Variants in CCDC171 observed in about 807,000 individuals in gnomAD.
The protein encoded by CCDC171 is coiled-coil domain-containing protein 171.
Under a neutral mutation model 168.2 loss-of-function variants are expected in CCDC171, and 177 were observed. The ratio of observed to expected loss-of-function variants is 1.05; its 90% CI spans 0.93 to 1.19. CCDC171 has a LOEUF of 1.19. Among genes scored for constraint, CCDC171 ranks in the 50% most tolerant of loss-of-function variants. The pLI is 0.00. For synonymous variants in CCDC171, 687 were observed against 540.8 expected (o/e 1.27, Z -3.75); for missense variants, 1,991 against 1,539.0 (o/e 1.29, Z -4.91).
At chr9:16,054,378 T>G (rs1162486282) in intron 1 of CCDC171, among the ~76,000 whole-genome samples, 1 of 151,742 alleles carries the variant, frequency 6.6e-6, no homozygotes, top group Admixed American at 6.6e-5. Context: ...CTGCATGGAG[T>G]AGTCAGTGGG....
chr9:15,945,634 T>TGG (rs1334647152), intron 25 of CCDC171, among the ~76,000 whole-genome samples: 2 of 144,050 alleles, frequency 1.4e-5, no homozygotes, highest in Non-Finnish European at 3.0e-5. Context: ...TGGCCAGTGA[T>TGG]GGTGAGCATT....
At chr9:15,778,080 G>A (rs1265993835) in intron 19 of CCDC171, among the ~76,000 whole-genome samples, 1 of 147,226 alleles carries the variant, frequency 6.8e-6, no homozygotes, top group African/African-American at 2.5e-5. Flanking sequence ...GGTGGATCAT[G>A]AGGTCAGGAG....
At chr9:15,705,957 C>T (rs7024640) in intron 11 of CCDC171, among the ~76,000 whole-genome samples, 74,792 of 152,000 alleles carry the variant, frequency 0.49, 18,839 homozygotes, top group East Asian at 0.78. Flanking sequence ...TTCTAAATTA[C>T]AGCAGCTCTT....
At chr9:15,979,235 A>C (rs1023621744) in intron 3 of CCDC171, among the ~76,000 whole-genome samples, 2 of 152,206 alleles carry the variant, frequency 1.3e-5, no homozygotes, top group Admixed American at 1.3e-4. Context: ...GTCATCTGCA[A>C]ATAGACACAG....
chr9:15,602,103 C>T (rs2055772), intron 6 of CCDC171, among the ~76,000 whole-genome samples: 71,142 of 152,052 alleles, frequency 0.47, 17,093 homozygotes, highest in East Asian at 0.75. Context: ...GTAAATTTTA[C>T]TGTAATTTGT....
intron 3 of CCDC171, among the ~76,000 whole-genome samples, chr9:16,011,820 G>T (rs986292049): frequency 2.6e-5 from 4 of 152,164 alleles, no homozygotes; most frequent in Non-Finnish European, 4.4e-5. Context: ...GGAGAAGTTT[G>T]AATAAAACTT....
rs1563976323 is a variant in CCDC171 at position 15,579,038 on chromosome 9, AT to A, written c.352+18del. ...AAAACTCTGTGGTAAGACTGTTTCT[AT>A]TTCTTCCCAAGTTTAGGGTTGTAAC... On this transcript the variant is annotated intron_variant, in intron 4 of 25. Transcript: ENST00000380701. The A allele has an allele frequency of 6.2e-7, 1 of 1,607,698 alleles. No individual in the cohort carries two copies. The highest frequency in any genetic ancestry group is 8.5e-7 in the Non-Finnish European group (1 of 1,175,668).
At chr9:16,097,734 T>C in the CCDC171 span, among the ~76,000 whole-genome samples, 1 of 152,218 alleles carries the variant, frequency 6.6e-6, no homozygotes, top group Admixed American at 6.5e-5. Flanking sequence ...GGGTTTAAGG[T>C]GCACCATTTA....
chr9:15,663,728 C>T (rs1372951766), intron 8 of CCDC171, among the ~76,000 whole-genome samples: 3 of 151,614 alleles, frequency 2.0e-5, no homozygotes, highest in Non-Finnish European at 4.4e-5. Context: ...GCCTCAGCCT[C>T]CTGAGTAGCT....
chr9:15,784,135 G>C (rs552477224), intron 20 of CCDC171, among the ~76,000 whole-genome samples: 1 of 152,222 alleles, frequency 6.6e-6, no homozygotes, highest in South Asian at 2.1e-4. Flanking sequence ...AACATACGCT[G>C]AACACAAACT....
At chr9:16,057,499 A>G (rs141436566) in intron 1 of CCDC171, among the ~76,000 whole-genome samples, 14 of 152,238 alleles carry the variant, frequency 9.2e-5, no homozygotes, top group African/African-American at 2.9e-4. Context: ...TTTGGCTTCT[A>G]GAGCTATTGT....
intron 21 of CCDC171, among the ~76,000 whole-genome samples, chr9:15,804,299 G>A (rs9886731): frequency 0.38 from 57,855 of 151,934 alleles, 13,035 homozygotes; most frequent in East Asian, 0.65. Context: ...AGGCAACCTT[G>A]TCTTCTGTTG....
intron 21 of CCDC171, among the ~76,000 whole-genome samples, chr9:15,789,866 C>G (rs987037752): frequency 8.0e-5 from 12 of 150,748 alleles, no homozygotes; most frequent in African/African-American, 2.4e-4. Context: ...GTTTTTTGTC[C>G]CTGCAATAGT....
At chr9:15,771,241 A>G (rs1049309748) in intron 18 of CCDC171, among the ~76,000 whole-genome samples, 3 of 152,144 alleles carry the variant, frequency 2.0e-5, no homozygotes, top group African/African-American at 4.8e-5. Flanking sequence ...AATTCATGAG[A>G]AATGGGATTG....
chr9:15,992,212 G>C (rs912900401), intron 3 of CCDC171, among the ~76,000 whole-genome samples: 1 of 152,112 alleles, frequency 6.6e-6, no homozygotes, highest in African/African-American at 2.4e-5. Context: ...TCCAGCAGCA[G>C]GTCAAAAAGC....
At chr9:15,781,306 C>A (rs1357272129) in intron 20 of CCDC171, among the ~76,000 whole-genome samples, 3 of 152,094 alleles carry the variant, frequency 2.0e-5, no homozygotes, top group Non-Finnish European at 2.9e-5. Flanking sequence ...GTGACAGAAT[C>A]CTCTTGTAAG....
At chr9:15,854,061 T>C (rs1405370063) in intron 23 of CCDC171, among the ~76,000 whole-genome samples, 4 of 150,708 alleles carry the variant, frequency 2.7e-5, no homozygotes, top group African/African-American at 9.7e-5. Context: ...TATTGGTCTG[T>C]AGTTTTCTTG....
At chr9:15,994,283 G>T (rs1832300569) in intron 3 of CCDC171, among the ~76,000 whole-genome samples, 1 of 152,166 alleles carries the variant, frequency 6.6e-6, no homozygotes, top group Non-Finnish European at 1.5e-5. Flanking sequence ...CATGTCCTTT[G>T]TAGGGACATG....
At chr9:16,031,839 A>G (rs1833368610) in intron 6 of CCDC171, among the ~76,000 whole-genome samples, 1 of 152,180 alleles carries the variant, frequency 6.6e-6, no homozygotes, top group Non-Finnish European at 1.5e-5. Flanking sequence ...GTCTGTGAGC[A>G]TGCCCTCCAC....
Sources: gnomAD v4.1 joint callset for allele counts (sites outside exome capture counted in the v4.1 genomes callset) on GRCh38, gnomAD v4.1.1 for gene constraint, MANE v1.5 for transcripts, NCBI Gene and HGNC (gene_info 2026-07-23, HGNC 2026-07-21) for gene names.